KIAA1958: variants seen among roughly 807,000 people sequenced by gnomAD.
KIAA1958 encodes the protein uncharacterized protein KIAA1958.
KIAA1958 carries 14 observed loss-of-function variants against 47.2 expected under a neutral mutation model. That is an observed-to-expected ratio of 0.30 (90% CI 0.20 to 0.46). The LOEUF (loss-of-function observed/expected upper bound fraction) is 0.46. Ranked by LOEUF, KIAA1958 falls within the 20% of genes least tolerant of loss-of-function variation. The pLI, the probability that KIAA1958 is intolerant of heterozygous loss-of-function variation, is 1.00. For missense variants in KIAA1958, 803 were observed against 909.2 expected, an observed-to-expected ratio of 0.88 and a Z score of 1.50; for synonymous variants, 354 against 353.3, an observed-to-expected ratio of 1.00 and a Z score of -0.02.
At chr9:112,656,492 G>T (rs1030222775) in intron 3 of KIAA1958, among the ~76,000 whole-genome samples, 4 of 151,570 alleles carry the variant, frequency 2.6e-5, no homozygotes, top group African/African-American at 9.7e-5. Flanking sequence ...CCATGCCCTC[G>T]CTGTGGGTGG....
chr9:112,585,368 A>C (rs1285602065), intron 2 of KIAA1958, among the ~76,000 whole-genome samples: 1 of 152,236 alleles, frequency 6.6e-6, no homozygotes, highest in Non-Finnish European at 1.5e-5. Context: ...AGTATATTTC[A>C]GGTAGAAGGA....
intron 2 of KIAA1958, among the ~76,000 whole-genome samples, chr9:112,617,567 A>G (rs756787634): frequency 6.6e-6 from 1 of 152,218 alleles, no homozygotes; most frequent in Non-Finnish European, 1.5e-5. Flanking sequence ...CATTTTTCCT[A>G]AAACGAAGGC....
At chr9:112,497,977 C>T (rs1834071984) in intron 1 of KIAA1958, among the ~76,000 whole-genome samples, 1 of 152,106 alleles carries the variant, frequency 6.6e-6, no homozygotes, top group South Asian at 2.1e-4. Flanking sequence ...ACAAATACCT[C>T]ATTAGGCAAG....
intron 1 of KIAA1958, among the ~76,000 whole-genome samples, chr9:112,550,104 C>G (rs1835116026): frequency 6.6e-6 from 1 of 150,824 alleles, no homozygotes; most frequent in Non-Finnish European, 1.5e-5. Flanking sequence ...AGAGGTAAGC[C>G]TGGCAATGTT....
chr9:112,581,940 GC>G, intron 2 of KIAA1958: 2 of 240,816 alleles, frequency 8.3e-6, no homozygotes, highest in Non-Finnish European at 1.7e-5. Context: ...GATGCATTCA[GC>G]CCACCTCTTG....
chr9:112,599,813 A>G (rs928344422), intron 2 of KIAA1958, among the ~76,000 whole-genome samples: 2 of 152,338 alleles, frequency 1.3e-5, no homozygotes, highest in South Asian at 2.1e-4. Flanking sequence ...TATTTTATGT[A>G]TTATACCAGC....
At chr9:112,585,161 A>T (rs1371822830) in intron 2 of KIAA1958, among the ~76,000 whole-genome samples, 1 of 152,196 alleles carries the variant, frequency 6.6e-6, no homozygotes, top group Non-Finnish European at 1.5e-5. Context: ...TGTTTTTAGG[A>T]TCAACTTTGT....
chr9:112,494,122 A>G (rs917953823), intron 1 of KIAA1958, among the ~76,000 whole-genome samples: 1 of 151,988 alleles, frequency 6.6e-6, no homozygotes, highest in East Asian at 1.9e-4. Flanking sequence ...TACCAATATG[A>G]TTTTCTTTCT....
chr9:112,636,086 A>G, intron 2 of KIAA1958, among the ~76,000 whole-genome samples: 1 of 148,818 alleles, frequency 6.7e-6, no homozygotes, highest in African/African-American at 2.4e-5. Flanking sequence ...TTTTTCTTTT[A>G]CCAGAAAGAA....
intron 1 of KIAA1958, among the ~76,000 whole-genome samples, chr9:112,526,345 C>G (rs1449185132): frequency 1.3e-5 from 2 of 152,028 alleles, no homozygotes; most frequent in Non-Finnish European, 2.9e-5. Context: ...TCTCCACCTC[C>G]TGGGTTCAAG....
chr9:112,634,377 C>T (rs1203456540), intron 2 of KIAA1958, among the ~76,000 whole-genome samples: 3 of 152,004 alleles, frequency 2.0e-5, no homozygotes, highest in Admixed American at 2.0e-4. Context: ...TACAGGCGCA[C>T]ACCACCATGC....
At chr9:112,540,835 C>G (rs532381336) in intron 1 of KIAA1958, among the ~76,000 whole-genome samples, 58 of 151,956 alleles carry the variant, frequency 3.8e-4, no homozygotes, top group South Asian at 2.5e-3. Context: ...CCCATCTCAG[C>G]CTCCTGAGTA....
At chr9:112,602,277 A>C (rs1385765780) in intron 2 of KIAA1958, among the ~76,000 whole-genome samples, 1 of 152,228 alleles carries the variant, frequency 6.6e-6, no homozygotes, top group East Asian at 1.9e-4. Flanking sequence ...AATATTTTCA[A>C]AAATGAAACA....
rs1406255612 is a variant in KIAA1958 at position 112,574,526 on chromosome 9, G to T, written c.446G>T (p.Cys149Phe). The T allele has an allele frequency of 6.2e-7, 1 of 1,614,120 alleles. No individual in the cohort carries two copies. ...GAGAACACCCTGTTTGACATGGTTT[G>T]TGAGTCTTCTGTTACAGATGAGGAT... ...EDENTLFDMVCESSVTDEDSD... is the reference protein window; with the variant it reads ...EDENTLFDMVFESSVTDEDSD... Residue 149 changes from cysteine (C) to phenylalanine (F), a missense_variant, in exon 2 of 4, where the codon TGT becomes TTT. Cys to Phe is a radical substitution (Grantham distance 205). Around this residue, in one of 2 missense-constraint regions of KIAA1958, gnomAD observed 761 missense variants for 829.3 expected, o/e 0.92. Transcript: ENST00000337530.
In KIAA1958 at chr9:112,579,275, T is replaced by C. The variant is rs181973015; in HGVS notation, c.1171+4024T>C. On this transcript the variant is annotated intron_variant, in intron 2 of 3. Transcript: ENST00000337530. The stretch of plus-strand genomic sequence containing the variant: ...AATTCTTTCAACATCTATCAGTCAA[T>C]CAATCTTTTCTGTCTTTGGTATTTT... Among the ~76,000 whole-genome samples, 621 of 152,204 alleles carry C rather than the reference T, an allele frequency of 4.1e-3. 4 individuals are homozygous for C. Among genetic ancestry groups the C allele is most frequent in the Admixed American group, 6.9e-3 (105 of 15,286 alleles).
intron 1 of KIAA1958, among the ~76,000 whole-genome samples, chr9:112,488,651 G>A (rs1228668957): frequency 6.6e-6 from 1 of 152,054 alleles, no homozygotes; most frequent in Admixed American, 6.6e-5. Flanking sequence ...GTAAAAAATA[G>A]AGGTTTTCCT....
chr9:112,540,216 A>G (rs767073464), intron 1 of KIAA1958, among the ~76,000 whole-genome samples: 9 of 152,186 alleles, frequency 5.9e-5, no homozygotes, highest in Non-Finnish European at 1.3e-4. Context: ...GGGTGCTGAT[A>G]TGGGGAAAGA....
intron 1 of KIAA1958, among the ~76,000 whole-genome samples, chr9:112,496,019 T>C (rs1050412499): frequency 6.6e-6 from 1 of 152,192 alleles, no homozygotes; most frequent in Non-Finnish European, 1.5e-5. Flanking sequence ...CCTTATAGTT[T>C]AGCTGACCTT....
At chr9:112,523,953 C>G (rs1588001072) in intron 1 of KIAA1958, among the ~76,000 whole-genome samples, 1 of 152,210 alleles carries the variant, frequency 6.6e-6, no homozygotes, top group Non-Finnish European at 1.5e-5. Context: ...TTCTAGCCAA[C>G]TAATATACCC....
Sources: allele counts gnomAD v4.1 joint callset (sites outside exome capture counted in the v4.1 genomes callset), GRCh38; gene constraint gnomAD v4.1.1; regional missense constraint gnomAD v4.1.1; transcripts MANE v1.5; gene names NCBI Gene and HGNC (gene_info 2026-07-23, HGNC 2026-07-21).